CHAF1A: variants seen among roughly 807,000 people sequenced by gnomAD.
The protein encoded by CHAF1A is CAF-1 subunit A.
A neutral mutation model predicts 93.2 loss-of-function variants in CHAF1A; 5 were observed. The observed-to-expected ratio is 0.05, with a 90% confidence interval of 0.03 to 0.11. The LOEUF (loss-of-function observed/expected upper bound fraction) is 0.11, where lower values mean the gene tolerates loss of function less well. Ranked by LOEUF, CHAF1A falls within the 10% of genes least tolerant of loss-of-function variation. The pLI, the probability that CHAF1A is intolerant of heterozygous loss-of-function variation, is 1.00. For synonymous variants in CHAF1A, 504 were observed against 510.3 expected (o/e 0.99, Z 0.17); for missense variants, 1,102 against 1,259.9 (o/e 0.87, Z 1.90).
intron 6 of CHAF1A, 101 bp downstream of exon 6, chr19:4,423,496 T>C (rs773873861): frequency 6.3e-6 from 10 of 1,586,070 alleles, no homozygotes; most frequent in Admixed American, 1.9e-5. Context: ...TTCTCTTGGT[T>C]TGGGGAAACC....
chr19:4,417,996 A>T, intron 3 of CHAF1A, 24 bp from the exon 4 acceptor site: 1 of 1,566,006 alleles, frequency 6.4e-7, no homozygotes, highest in Non-Finnish European at 8.7e-7. Flanking sequence ...CCCGTGTTTA[A>T]AGATAAACGT....
At chr19:4,413,176 A>G (rs547268950) in intron 3 of CHAF1A, among the ~76,000 whole-genome samples, 17 of 152,110 alleles carry the variant, frequency 1.1e-4, no homozygotes, top group Non-Finnish European at 2.1e-4. Context: ...GGTTCAAGCA[A>G]TTCTCCTGTC....
intron 13 of CHAF1A, among the ~76,000 whole-genome samples, chr19:4,434,963 C>T (rs1423859278): frequency 2.6e-5 from 4 of 152,114 alleles, no homozygotes; most frequent in Admixed American, 2.0e-4. Flanking sequence ...CTCTCATGCC[C>T]AGAGAGCCAC....
At chr19:4,423,931 T>G in intron 7 of CHAF1A, 57 bp downstream of exon 7, 1 of 1,500,038 alleles carries the variant, frequency 6.7e-7, no homozygotes, top group Non-Finnish European at 9.3e-7. Context: ...TTTTCCTTTC[T>G]GAAAGTGAAA....
chr19:4,428,608 G>C, intron 7 of CHAF1A, 56 bp from the exon 8 acceptor site: 1 of 1,466,718 alleles, frequency 6.8e-7, no homozygotes, highest in East Asian at 2.3e-5. Flanking sequence ...GTGCGTCCAT[G>C]GTGCCTCCTT....
At chr19:4,438,898 C>T (rs762658287) in intron 13 of CHAF1A, among the ~76,000 whole-genome samples, 2 of 152,172 alleles carry the variant, frequency 1.3e-5, no homozygotes, top group Admixed American at 1.3e-4. Flanking sequence ...AGGAGAATGG[C>T]ATGAACCTGG....
At position 4,422,445 on chromosome 19, in the gene CHAF1A, A is replaced by G; in HGVS notation, c.1018-121A>G. ...ATTACAGGCGTGAGCCACCATGCCT[A>G]GCCTTGGTCCCTCAATTCTGTTCAT... On this transcript the variant is annotated intron_variant, in intron 4 of 14. Coordinates refer to ENST00000301280, the MANE Select transcript of CHAF1A (RefSeq NM_005483.3). This position sits in a 1 kb window ranked among gnomAD's most constrained non-coding sequence, Gnocchi z 4.6. The G allele has an allele frequency of 1.2e-6, 1 of 861,262 alleles. No homozygotes were observed. The highest frequency in any genetic ancestry group is 1.8e-6 in the Non-Finnish European group (1 of 552,268). 53.4% of individuals were successfully genotyped at this position (861,262 alleles called of 1,614,324 possible).
chr19:4,422,668 A>C lies in CHAF1A; in HGVS notation c.1120A>C (p.Lys374Gln). ...AKRAKEEAKKKKEEEKELKEK... is the reference protein window; with the variant it reads ...AKRAKEEAKKQKEEEKELKEK... ...GCGGGCCAAGGAGGAGGCCAAGAAG[A>C]AGAAGGAGGAAGAGAAGGAGCTTAA... Residue 374 changes from lysine to glutamine, a missense_variant, in exon 5 of 15, where the codon AAG becomes CAG. Lys to Gln is a moderately conservative substitution (Grantham distance 53, BLOSUM62 1). Coordinates refer to ENST00000301280, the MANE Select transcript of CHAF1A (RefSeq NM_005483.3). The surrounding 1 kb of genome is among the most constrained non-coding windows in gnomAD (Gnocchi z 4.6). 3.7e-6 allele frequency: 6 copies of C among 1,609,454 alleles called. No individual in the cohort carries two copies. Among genetic ancestry groups the C allele is most frequent in the Non-Finnish European group, 5.1e-6 (6 of 1,177,870 alleles).
chr19:4,440,225 G>C (rs762608394), intron 13 of CHAF1A, among the ~76,000 whole-genome samples: 10 of 152,184 alleles, frequency 6.6e-5, no homozygotes, highest in Non-Finnish European at 1.5e-4. Flanking sequence ...TTCATGCACA[G>C]AGAGGGTAAG....
intron 3 of CHAF1A, among the ~76,000 whole-genome samples, chr19:4,411,732 C>T (rs1216217052): frequency 7.0e-6 from 1 of 142,106 alleles, no homozygotes; most frequent in Non-Finnish European, 1.5e-5. Flanking sequence ...ACTGCAGCCT[C>T]CACCTTCTAG....
chr19:4,437,697 C>T (rs1414349662), intron 13 of CHAF1A, among the ~76,000 whole-genome samples: 1 of 151,968 alleles, frequency 6.6e-6, no homozygotes, highest in African/African-American at 2.4e-5. Context: ...ATTTTTTACT[C>T]GGTTACACTT....
At chr19:4,427,261 T>C (rs866606814) in intron 7 of CHAF1A, among the ~76,000 whole-genome samples, 4,237 of 104,974 alleles carry the variant, frequency 0.04, no homozygotes, top group Middle Eastern at 0.2. Flanking sequence ...ACGATTCTCC[T>C]GCCTCAGCCT....
At chr19:4,438,832 A>T (rs1230180941) in intron 13 of CHAF1A, among the ~76,000 whole-genome samples, 1 of 152,150 alleles carries the variant, frequency 6.6e-6, no homozygotes, top group Non-Finnish European at 1.5e-5. Context: ...AATACAAAAA[A>T]TTAGCCAGGC....
chr19:4,446,651 T>G, downstream of CHAF1A: 1 of 1,612,454 alleles, frequency 6.2e-7, no homozygotes, highest in Non-Finnish European at 8.5e-7. Context: ...AGCTGTTCCT[T>G]GTGCCTCTCC....
intron 4 of CHAF1A, among the ~76,000 whole-genome samples, chr19:4,420,620 G>A (rs984062252): frequency 3.3e-5 from 5 of 152,198 alleles, no homozygotes; most frequent in Admixed American, 6.6e-5. Context: ...AATGAGGAAC[G>A]TAGTGATGAA....
intron 7 of CHAF1A, among the ~76,000 whole-genome samples, chr19:4,425,733 A>G (rs1974069528): frequency 6.6e-6 from 1 of 152,228 alleles, no homozygotes; most frequent in Admixed American, 6.5e-5. Context: ...GGGACAGCCA[A>G]GTAAGCATGA....
intron 13 of CHAF1A, among the ~76,000 whole-genome samples, chr19:4,437,572 C>T (rs1974308591): frequency 6.6e-6 from 1 of 151,918 alleles, no homozygotes; most frequent in Non-Finnish European, 1.5e-5. Flanking sequence ...GTCTCCAACT[C>T]CTGAGCTCTA....
chr19:4,448,171 G>C, downstream of CHAF1A: 1 of 702,470 alleles, frequency 1.4e-6, no homozygotes, highest in Middle Eastern at 3.5e-4. Context: ...TGAGGCCTCT[G>C]GGTGGAGCTG....
chr19:4,412,173 A>C (rs1336971326), intron 3 of CHAF1A, among the ~76,000 whole-genome samples: 1 of 152,198 alleles, frequency 6.6e-6, no homozygotes, highest in East Asian at 1.9e-4. Flanking sequence ...TGTAGTGTAC[A>C]TTCGATCACT....
Sources: gnomAD v4.1 joint callset for allele counts (sites outside exome capture counted in the v4.1 genomes callset) on GRCh38, gnomAD v4.1.1 for gene constraint, Gnocchi (gnomAD v3.1) non-coding constraint, MANE v1.5 for transcripts, NCBI Gene and HGNC (gene_info 2026-07-23, HGNC 2026-07-21) for gene names.